Variants in TNFRSF19 observed in about 807,000 individuals in gnomAD.
TNFRSF19 encodes TNF receptor superfamily member 19, also known as tumor necrosis factor receptor superfamily member 19.
A neutral mutation model predicts 46.4 loss-of-function variants in TNFRSF19; 27 were observed. The observed-to-expected ratio is 0.58, with a 90% CI of 0.43 to 0.80. TNFRSF19 has a LOEUF of 0.80. Ranked by LOEUF, TNFRSF19 falls within the 30% of genes least tolerant of loss-of-function variation. TNFRSF19 has a pLI of 0.00. For synonymous variants in TNFRSF19, 204 were observed against 205.0 expected (o/e 1.00, Z 0.04); for missense variants, 511 against 530.8 (o/e 0.96, Z 0.37).
Position 23,633,722 on chromosome 13 carries a change from A to T in TNFRSF19, c.445+6930A>T, listed in dbSNP as rs1322887649. On this transcript the variant is annotated intron_variant, in intron 5 of 9. Transcript: ENST00000248484. ...AAATTAGCTGCGCGTGGTGGCAGTCACCCGTAATCCCAGCTACTCAGGGGG... is the reference window on the plus strand; with the variant it reads ...AAATTAGCTGCGCGTGGTGGCAGTCTCCCGTAATCCCAGCTACTCAGGGGG... Among the ~76,000 whole-genome samples, 6 of 152,116 alleles carry T rather than the reference A, an allele frequency of 3.9e-5. No individual in the cohort carries two copies. The East Asian group carries it at 9.7e-4, about 25-fold the overall frequency.
chr13:23,642,505 A>G (rs1209425507), intron 5 of TNFRSF19, among the ~76,000 whole-genome samples: 1 of 152,232 alleles, frequency 6.6e-6, no homozygotes, highest in African/African-American at 2.4e-5. Context: ...CTGAGGCAAG[A>G]GGCTGTCATT....
chr13:23,662,357 G>C (rs1241131454), intron 7 of TNFRSF19, among the ~76,000 whole-genome samples: 1 of 152,064 alleles, frequency 6.6e-6, no homozygotes, highest in Non-Finnish European at 1.5e-5. Flanking sequence ...CTTATTTCTA[G>C]GATCTCTATT....
At chr13:23,574,050 AGACTCTGT>A (rs1174215552) in intron 1 of TNFRSF19, among the ~76,000 whole-genome samples, 1 of 130,590 alleles carries the variant, frequency 7.7e-6, no homozygotes, top group East Asian at 2.3e-4. Context: ...TGACAGAGTG[AGACTCTGT>A]CTCAAAAAAA....
chr13:23,650,245 A>G (rs552533013), intron 5 of TNFRSF19, among the ~76,000 whole-genome samples: 5 of 152,342 alleles, frequency 3.3e-5, no homozygotes, highest in Non-Finnish European at 5.9e-5. Context: ...AACAAGTACA[A>G]TGTATCTTTG....
At chr13:23,593,257 G>T in intron 2 of TNFRSF19, 88 bp from the exon 3 acceptor site, 1 of 693,782 alleles carries the variant, frequency 1.4e-6, no homozygotes, top group Non-Finnish European at 2.4e-6. Context: ...GTGATTGTGT[G>T]ACTAATATTG....
intron 1 of TNFRSF19, among the ~76,000 whole-genome samples, chr13:23,573,857 T>C (rs1328790185): frequency 6.6e-6 from 1 of 151,972 alleles, no homozygotes; most frequent in Non-Finnish European, 1.5e-5. Flanking sequence ...GGTCAGGAGA[T>C]CGAGACCATC....
chr13:23,609,942 C>G (rs577157227), intron 3 of TNFRSF19, among the ~76,000 whole-genome samples: 1 of 152,210 alleles, frequency 6.6e-6, no homozygotes, highest in East Asian at 1.9e-4. Flanking sequence ...CAAGCACAGC[C>G]TTTTAGAAAC....
At chr13:23,643,418 A>G (rs1456566488) in intron 5 of TNFRSF19, among the ~76,000 whole-genome samples, 1 of 152,226 alleles carries the variant, frequency 6.6e-6, no homozygotes, top group Non-Finnish European at 1.5e-5. Context: ...TTGGAACATT[A>G]GCTGTAATTC....
At position 23,660,554 on chromosome 13, in the gene TNFRSF19, A is replaced by G. The variant is rs560261849; in HGVS notation, c.736+64A>G. On this transcript the variant is annotated intron_variant, in intron 7 of 9. Coordinates refer to ENST00000248484, the MANE Select transcript of TNFRSF19 (RefSeq NM_148957.4). The stretch of plus-strand genomic sequence containing the variant: ...GTACACAGAAGCTGAAGCAGCAAGA[A>G]TTGGTCCTGGTTTATTCACCTCACA... 4 of 1,574,418 alleles carry G rather than the reference A, an allele frequency of 2.5e-6. No individual in the cohort carries two copies. In the Admixed American group the frequency reaches 7.1e-5, roughly 28 times the overall value.
At chr13:23,670,652 C>T (rs1179310623) in intron 9 of TNFRSF19, among the ~76,000 whole-genome samples, 1 of 152,130 alleles carries the variant, frequency 6.6e-6, no homozygotes, top group Non-Finnish European at 1.5e-5. Flanking sequence ...GGACTGTGCC[C>T]CACACAACGT....
At chr13:23,655,655 C>G (rs369039227) in intron 5 of TNFRSF19, among the ~76,000 whole-genome samples, 192 of 152,080 alleles carry the variant, frequency 1.3e-3, no homozygotes, top group African/African-American at 3.5e-3. Context: ...TAGATAAGTT[C>G]TTTTCTTAGG....
chr13:23,632,587 C>T (rs1210798114), intron 5 of TNFRSF19, among the ~76,000 whole-genome samples: 1 of 152,162 alleles, frequency 6.6e-6, no homozygotes, highest in Non-Finnish European at 1.5e-5. Context: ...GTATCTCTTT[C>T]TTTTTGTCAA....
intron 5 of TNFRSF19, among the ~76,000 whole-genome samples, chr13:23,656,247 T>C (rs537130480): frequency 1.3e-5 from 2 of 152,336 alleles, no homozygotes; most frequent in East Asian, 3.9e-4. Context: ...GGCAACTATA[T>C]ATCATTGACA....
At chr13:23,614,571 A>G (rs538652049) in intron 3 of TNFRSF19, among the ~76,000 whole-genome samples, 1 of 152,270 alleles carries the variant, frequency 6.6e-6, no homozygotes, top group East Asian at 1.9e-4. Context: ...TGCAGCATCC[A>G]GTCTGCATTT....
intron 5 of TNFRSF19, among the ~76,000 whole-genome samples, chr13:23,646,407 T>C (rs1042262922): frequency 6.6e-6 from 1 of 151,994 alleles, no homozygotes; most frequent in Admixed American, 6.6e-5. Context: ...TCACCCCAGA[T>C]AGAAGCTCTA....
At chr13:23,596,966 A>G (rs963255952) in intron 3 of TNFRSF19, among the ~76,000 whole-genome samples, 1 of 152,240 alleles carries the variant, frequency 6.6e-6, no homozygotes, top group African/African-American at 2.4e-5. Context: ...GCACAACTAC[A>G]TGGAAACTGA....
chr13:23,646,722 A>G (rs923749276), intron 5 of TNFRSF19, among the ~76,000 whole-genome samples: 1 of 152,186 alleles, frequency 6.6e-6, no homozygotes, highest in South Asian at 2.1e-4. Flanking sequence ...CCTTTTGGCT[A>G]TTGTGAATAA....
At chr13:23,651,866 T>TAATAA (rs1883663112) in intron 5 of TNFRSF19, among the ~76,000 whole-genome samples, 1 of 36,926 alleles carries the variant, frequency 2.7e-5, no homozygotes, top group Non-Finnish European at 5.5e-5. Flanking sequence ...TTTTTTACTC[T>TAATAA]AAATGGTTGG....
At chr13:23,586,386 G>C (rs752382179) in intron 1 of TNFRSF19, among the ~76,000 whole-genome samples, 15 of 152,192 alleles carry the variant, frequency 9.9e-5, no homozygotes, top group Non-Finnish European at 1.8e-4. Flanking sequence ...AGAAAGAAGA[G>C]ATGCTGATGC....
Sources: allele counts gnomAD v4.1 joint callset (sites outside exome capture counted in the v4.1 genomes callset), GRCh38; gene constraint gnomAD v4.1.1; transcripts MANE v1.5; gene names NCBI Gene and HGNC (gene_info 2026-07-23, HGNC 2026-07-21).